The following MTMR3 variants were observed in gnomAD, a reference collection of about 807,000 sequenced individuals.
MTMR3 encodes the protein phosphatidylinositol-3,5-bisphosphate 3-phosphatase MTMR3.
In MTMR3, 32 loss-of-function variants were observed where a neutral mutation model predicts 132.4. The ratio of observed to expected loss-of-function variants is 0.24; its 90% CI spans 0.18 to 0.32. The LOEUF is 0.32. Ranked by LOEUF, MTMR3 falls within the 10% of genes least tolerant of loss-of-function variation. The pLI, the probability that MTMR3 is intolerant of heterozygous loss-of-function variation, is 1.00. For missense variants in MTMR3, 1,216 were observed against 1,489.6 expected, an observed-to-expected ratio of 0.82 and a Z score of 3.02; for synonymous variants, 556 against 550.3, an observed-to-expected ratio of 1.01 and a Z score of -0.14.
chr22:29,991,769 A>C, intron 7 of MTMR3, 99 bp downstream of exon 7: 1 of 1,274,428 alleles, frequency 7.8e-7, no homozygotes, highest in Non-Finnish European at 1.1e-6. Context: ...TTCATATATC[A>C]ATCAGTGTAT....
chr22:30,005,574 T>A (rs569330687), intron 9 of MTMR3: 45 of 152,322 alleles, frequency 3.0e-4, no homozygotes, highest in African/African-American at 1.1e-3. Flanking sequence ...ATTGAGGTTT[T>A]ATTTCTATTT....
At chr22:29,904,182 C>T (rs1336232997) in intron 1 of MTMR3, among the ~76,000 whole-genome samples, 1 of 152,198 alleles carries the variant, frequency 6.6e-6, no homozygotes, top group Non-Finnish European at 1.5e-5. Flanking sequence ...ATGGAGGTAG[C>T]AACTGTGGGA....
At chr22:29,976,480 A>G (rs1049710096) in intron 3 of MTMR3, among the ~76,000 whole-genome samples, 4 of 152,218 alleles carry the variant, frequency 2.6e-5, no homozygotes, top group African/African-American at 9.7e-5. Context: ...ATATTGCACC[A>G]TACATCAGAG....
intron 2 of MTMR3, among the ~76,000 whole-genome samples, chr22:29,967,449 G>A (rs565972447): frequency 5.3e-5 from 8 of 150,340 alleles, no homozygotes; most frequent in Non-Finnish European, 8.9e-5. Flanking sequence ...CCAGGCTGGC[G>A]TTGAACTCTG....
chr22:29,912,471 A>C (rs765536196), intron 1 of MTMR3, among the ~76,000 whole-genome samples: 8 of 152,062 alleles, frequency 5.3e-5, no homozygotes, highest in Non-Finnish European at 1.0e-4. Flanking sequence ...TTTAGTAGAG[A>C]TGGGTTCTCG....
In MTMR3 at chr22:30,020,189, A is replaced by G. The variant is rs141333480; in HGVS notation, c.2530A>G (p.Ser844Gly). 124 of 1,614,120 alleles carry G rather than the reference A, an allele frequency of 7.7e-5. No homozygotes were observed. Among genetic ancestry groups the G allele is most frequent in the Non-Finnish European group, 1.0e-4 (122 of 1,180,044 alleles). ...PFETRGPNVDSSTDMLVEDKV... is the reference protein window; with the variant it reads ...PFETRGPNVDGSTDMLVEDKV... ...TGAGACCAGAGGACCAAACGTGGAC[A>G]GTTCTACAGACATGTTAGTGGAAGA... Residue 844 changes from serine (S) to glycine (G), a missense_variant, in exon 17 of 20, where the codon AGT becomes GGT. Ser to Gly is a moderately conservative substitution (Grantham distance 56, BLOSUM62 0). This residue lies in a region of MTMR3 where 852 missense variants were observed against 852.0 expected (regional missense o/e 1.00). Transcript: ENST00000401950.
chr22:29,928,438 G>T (rs974760942), intron 1 of MTMR3, among the ~76,000 whole-genome samples: 1 of 151,834 alleles, frequency 6.6e-6, no homozygotes, highest in African/African-American at 2.4e-5. Flanking sequence ...TCCCAAAGTG[G>T]TGGGATTACA....
chr22:29,975,495 C>G (rs555481838), intron 3 of MTMR3, among the ~76,000 whole-genome samples: 1 of 152,276 alleles, frequency 6.6e-6, no homozygotes, highest in South Asian at 2.1e-4. Flanking sequence ...AATGCAGCCT[C>G]AGGCAGATAC....
rs2066043308 is a variant in MTMR3 at position 29,950,026 on chromosome 22, A to G, written c.-137-7010A>G. ...CACCAGAGGTTAACTGAGAGCAAGA[A>G]GCAGGACATGAATGAGTGTGCAAGA... On this transcript the variant is annotated intron_variant, in intron 1 of 19. Coordinates refer to ENST00000401950, the MANE Select transcript of MTMR3 (RefSeq NM_021090.4). 1.3e-5 allele frequency among the ~76,000 whole-genome samples: 2 copies of G among 152,218 alleles called. 1 individual carries two copies. Among genetic ancestry groups the G allele is most frequent in the Non-Finnish European group, 2.9e-5 (2 of 68,036 alleles).
intron 1 of MTMR3, among the ~76,000 whole-genome samples, chr22:29,902,780 ATTG>A (rs1195547253): frequency 6.6e-6 from 1 of 152,158 alleles, no homozygotes; most frequent in Non-Finnish European, 1.5e-5. Flanking sequence ...AGGTATTAAT[ATTG>A]ATAAGCAGAG....
Position 30,018,064 on chromosome 22 carries a change from CCT to C in MTMR3, c.1813_1814del (p.Leu605GlufsTer7). The C allele has an allele frequency of 6.2e-7, 1 of 1,607,714 alleles. No homozygotes were observed. The highest frequency in any genetic ancestry group is 8.5e-7 in the Non-Finnish European group (1 of 1,177,992). The stretch of plus-strand genomic sequence containing the variant: ...CAGGCACCAGCCCTGATGATCCCCC[CCT>C]GAGCCGGTGAGCCCAGGGTGATGCC... ...APGTSPDDPPLSRLPKTRSYD... is the reference protein window; with the variant it reads ...APGTSPDDPPXSRLPKTRSYD... On this transcript the variant is annotated frameshift_variant, in exon 16 of 20. Transcript: ENST00000401950. LOFTEE classifies it high-confidence loss of function.
chr22:29,940,587 T>C lies in MTMR3; in HGVS notation c.-137-16449T>C, dbSNP rs1329119225. 4.7e-5 allele frequency among the ~76,000 whole-genome samples: 7 copies of C among 149,884 alleles called. 1 individual carries two copies. The highest frequency in any genetic ancestry group is 1.8e-4 in the African/African-American group (7 of 39,338). ...AAACTAGAACTTTTTTTTTTCCTCC[T>C]GAATAGGAAAAATCGGAACATTCTT... On this transcript the variant is annotated intron_variant, in intron 1 of 19. Coordinates refer to ENST00000401950, the MANE Select transcript of MTMR3 (RefSeq NM_021090.4).
intron 1 of MTMR3, among the ~76,000 whole-genome samples, chr22:29,912,161 A>T (rs931741383): frequency 1.3e-4 from 20 of 152,218 alleles, no homozygotes; most frequent in African/African-American, 3.9e-4. Flanking sequence ...CTTCTGCAAA[A>T]TGAGTTGATG....
intron 3 of MTMR3, among the ~76,000 whole-genome samples, chr22:29,974,450 A>G (rs1309007698): frequency 2.0e-5 from 3 of 152,226 alleles, no homozygotes; most frequent in Non-Finnish European, 2.9e-5. Context: ...TTTACAGGTA[A>G]TGTGAATTGA....
chr22:29,887,193 A>G (rs1653152734), intron 1 of MTMR3, among the ~76,000 whole-genome samples: 1 of 152,212 alleles, frequency 6.6e-6, no homozygotes, highest in Non-Finnish European at 1.5e-5. Flanking sequence ...AAATTGTAGC[A>G]TGAAAGTGGG....
intron 1 of MTMR3, among the ~76,000 whole-genome samples, chr22:29,911,434 T>C (rs954533744): frequency 6.6e-6 from 1 of 151,952 alleles, no homozygotes; most frequent in Non-Finnish European, 1.5e-5. Flanking sequence ...TCCCAACTAC[T>C]TGGGATGCTG....
At chr22:30,018,172 T>A in intron 16 of MTMR3, 100 bp downstream of exon 16, 7 of 1,285,376 alleles carry the variant, frequency 5.4e-6, no homozygotes, top group Non-Finnish European at 7.2e-6. Flanking sequence ...GGTATCTGGC[T>A]CCACAGTATC....
rs200956074 is a variant in MTMR3, at chr22:30,012,771, G to C, written c.1317+208G>C. 6.4e-5 allele frequency: 31 copies of C among 483,570 alleles called. No individual in the cohort carries two copies. In the East Asian group the frequency reaches 1.0e-3, roughly 16 times the overall value. 30.0% of individuals were successfully genotyped at this position (483,570 alleles called of 1,614,324 possible). A position where few individuals can be genotyped will look rare whatever the true frequency, so the allele number is the denominator to read the frequency against. On this transcript the variant is annotated intron_variant, in intron 13 of 19. Transcript: ENST00000401950. ...AAATGGGGCAGATTATGGGTAACAA[G>C]GTATTGAGAATATAGACATATTTTC...
chr22:29,897,888 A>G (rs1251416328), intron 1 of MTMR3, among the ~76,000 whole-genome samples: 1 of 152,172 alleles, frequency 6.6e-6, no homozygotes, highest in Non-Finnish European at 1.5e-5. Flanking sequence ...ATCTATATAT[A>G]TTTTATGTAG....
Sources: allele counts gnomAD v4.1 joint callset (sites outside exome capture counted in the v4.1 genomes callset), GRCh38; gene constraint gnomAD v4.1.1; regional missense constraint gnomAD v4.1.1; transcripts MANE v1.5; gene names NCBI Gene and HGNC (gene_info 2026-07-23, HGNC 2026-07-21).